The following BSN variants were observed in gnomAD, a reference collection of about 807,000 sequenced individuals.
BSN encodes the protein bassoon presynaptic cytomatrix protein.
BSN carries 57 observed loss-of-function variants against 264.8 expected under a neutral mutation model. The observed-to-expected ratio is 0.22, with a 90% CI of 0.17 to 0.27. The LOEUF (loss-of-function observed/expected upper bound fraction) is 0.27. Ranked by LOEUF, BSN falls within the 10% of genes least tolerant of loss-of-function variation. The pLI, the probability that BSN is intolerant of heterozygous loss-of-function variation, is 1.00. For missense variants in BSN, 4,615 were observed against 5,232.5 expected (o/e 0.88, Z 3.64); for synonymous variants, 2,059 against 2,137.3 (o/e 0.96, Z 1.01).
chr3:49,642,799 A>G lies in BSN; in HGVS notation c.1165A>G (p.Asn389Asp). The G allele has an allele frequency of 6.2e-7, 1 of 1,613,268 alleles. No homozygotes were observed. Among genetic ancestry groups the G allele is most frequent in the Admixed American group, 1.7e-5 (1 of 60,014 alleles). ...PSKGTPKIVFNDASKEAGPKP... is the reference protein window; with the variant it reads ...PSKGTPKIVFDDASKEAGPKP... ...CAAGGGGACACCTAAGATCGTCTTC[A>G]ATGATGCCAGCAAGGAGGCTGGCCC... The change falls in exon 3 of 12, where the codon AAT (asparagine) becomes GAT (aspartate). Residue 389 changes from asparagine to aspartate, a missense_variant. By Grantham distance (23) the Asn-to-Asp change is conservative. Around this residue, in one of 3 missense-constraint regions of BSN, gnomAD observed 1,197 missense variants for 1,348.0 expected, o/e 0.89. Coordinates refer to ENST00000296452, the MANE Select transcript of BSN (RefSeq NM_003458.4). The surrounding 1 kb of genome is among the most constrained non-coding windows in gnomAD (Gnocchi z 7.0).
At chr3:49,605,284 CAT>C (rs2052103924) in intron 1 of BSN, among the ~76,000 whole-genome samples, 1 of 95,026 alleles carries the variant, frequency 1.1e-5, no homozygotes, top group African/African-American at 4.2e-5. Context: ...CATATATATA[CAT>C]ATATATTTTA....
chr3:49,637,119 G>A (rs2108067527), intron 2 of BSN, among the ~76,000 whole-genome samples: 1 of 152,384 alleles, frequency 6.6e-6, no homozygotes, highest in Non-Finnish European at 1.5e-5. Flanking sequence ...CATAAATGCG[G>A]CATCAGGCGT....
intron 1 of BSN, among the ~76,000 whole-genome samples, chr3:49,557,461 C>G (rs2051681856): frequency 6.6e-6 from 1 of 152,048 alleles, no homozygotes; most frequent in South Asian, 2.1e-4. Flanking sequence ...CAGATCAAGA[C>G]AGAACTTTAT....
intron 1 of BSN, among the ~76,000 whole-genome samples, chr3:49,568,840 A>C (rs1167671430): frequency 1.3e-5 from 2 of 152,202 alleles, no homozygotes. Context: ...GCAAAATGGT[A>C]AATGTATAAG....
chr3:49,660,837 G>C lies in BSN; in HGVS notation c.8992G>C (p.Asp2998His). 1 of 1,612,916 alleles carries C rather than the reference G, an allele frequency of 6.2e-7. No individual in the cohort carries two copies. Among genetic ancestry groups the C allele is most frequent in the Non-Finnish European group, 8.5e-7 (1 of 1,180,028 alleles). ...TTTGGCCAAAGACCGGGGTGGCCGT[G>C]ACTACCCACCCTTGCGTGGTCTTGG... ...ESLAKDRGGR[D>H]YPPLRGLGEH... The change falls in exon 6 of 12, where the codon GAC becomes CAC. Residue 2998 changes from aspartate (D) to histidine (H), a missense_variant. This residue lies in a region of BSN where 3,415 missense variants were observed against 3,866.4 expected (regional missense o/e 0.88). Coordinates refer to ENST00000296452, the MANE Select transcript of BSN (RefSeq NM_003458.4). This position sits in a 1 kb window ranked among gnomAD's most constrained non-coding sequence, Gnocchi z 7.1.
intron 2 of BSN, among the ~76,000 whole-genome samples, chr3:49,639,118 G>T (rs1395885284): frequency 6.6e-6 from 1 of 152,034 alleles, no homozygotes; most frequent in African/African-American, 2.4e-5. Flanking sequence ...TTTAGACTGG[G>T]TTCAGGGACT....
chr3:49,568,300 G>A (rs2051769580), intron 1 of BSN, among the ~76,000 whole-genome samples: 1 of 152,154 alleles, frequency 6.6e-6, no homozygotes, highest in Admixed American at 6.5e-5. Flanking sequence ...TCGATGGAAA[G>A]TAAAGAATTG....
At chr3:49,632,254 A>G (rs2052388427) in intron 2 of BSN, among the ~76,000 whole-genome samples, 1 of 152,222 alleles carries the variant, frequency 6.6e-6, no homozygotes, top group African/African-American at 2.4e-5. Flanking sequence ...AAGCTTCACA[A>G]CATTGGATTT....
At chr3:49,579,376 G>A in intron 1 of BSN, among the ~76,000 whole-genome samples, 1 of 151,744 alleles carries the variant, frequency 6.6e-6, no homozygotes, top group East Asian at 1.9e-4. Context: ...TATGATTTTA[G>A]GTATGGGTTT....
rs1414788945 is a variant in BSN at position 49,585,067 on chromosome 3, T to C, written c.224+30241T>C. The stretch of plus-strand genomic sequence containing the variant: ...GTTAGACACCTAGGTTGCTTCGAAA[T>C]CTTAGCTATTATAAACAGTGCTGCG... On this transcript the variant is annotated intron_variant, in intron 1 of 11. Coordinates refer to ENST00000296452, the MANE Select transcript of BSN (RefSeq NM_003458.4). The surrounding 1 kb of genome is among the most constrained non-coding windows in gnomAD (Gnocchi z 4.7). Among the ~76,000 whole-genome samples, 2 of 152,210 alleles carry C rather than the reference T, an allele frequency of 1.3e-5. No homozygotes were observed. Among genetic ancestry groups the C allele is most frequent in the African/African-American group, 2.4e-5 (1 of 41,446 alleles).
chr3:49,663,120 A>G lies in BSN; in HGVS notation c.10962A>G (p.Ser3654=), dbSNP rs770213798. The change falls in exon 7 of 12, where the codon TCA becomes TCG. Residue 3654 remains serine, a synonymous_variant. Coordinates refer to ENST00000296452, the MANE Select transcript of BSN (RefSeq NM_003458.4). ...GGCACGGTGACCACGGGCGGCACTC[A>G]GGCCGCCACACTGGTGAGGAGCCGG... ...EHRHGDHGRH[S]GRHTGEEPGR... 6.2e-7 allele frequency: 1 copy of G among 1,611,410 alleles called. No individual in the cohort carries two copies. Among genetic ancestry groups the G allele is most frequent in the Non-Finnish European group, 8.5e-7 (1 of 1,179,462 alleles).
chr3:49,639,638 C>T (rs1461388138), intron 2 of BSN, among the ~76,000 whole-genome samples: 1 of 152,172 alleles, frequency 6.6e-6, no homozygotes, highest in African/African-American at 2.4e-5. Flanking sequence ...CCAGGGTTTG[C>T]AGTGCTGACT....
intron 11 of BSN, among the ~76,000 whole-genome samples, chr3:49,666,764 CAG>C (rs2052716251): frequency 6.8e-6 from 1 of 146,866 alleles, no homozygotes; most frequent in Non-Finnish European, 1.5e-5. Flanking sequence ...GAGAGGTGGT[CAG>C]GGGTAAAGTC....
intron 1 of BSN, among the ~76,000 whole-genome samples, chr3:49,584,412 T>TC (rs766987184): frequency 7.9e-5 from 12 of 152,114 alleles, no homozygotes; most frequent in Non-Finnish European, 1.5e-4. Flanking sequence ...AGTTTGCTCT[T>TC]CTTTTTCTAA....
chr3:49,565,957 G>T (rs1484302369), intron 1 of BSN, among the ~76,000 whole-genome samples: 1 of 152,054 alleles, frequency 6.6e-6, no homozygotes, highest in Admixed American at 6.6e-5. Flanking sequence ...CGAGTAGCTG[G>T]GACTACAGGT....
rs1458294599 is a variant in BSN, at chr3:49,653,532, C to A, written c.3976C>A (p.Pro1326Thr). The part of the protein sequence containing the change: ...QLAAPVSFST[P>T]TSSDSSGGRV... Reference sequence around the variant, plus strand: ...CGCTGCCCCTGTGTCCTTCTCTACCCCCACCTCCTCAGACAGCAGCGGGGG... The same window carrying A: ...CGCTGCCCCTGTGTCCTTCTCTACCACCACCTCCTCAGACAGCAGCGGGGG... Residue 1326 changes from proline (P) to threonine (T), a missense_variant, in exon 5 of 12, where the codon CCC (proline) becomes ACC (threonine). Physicochemically the swap from Pro to Thr is conservative, Grantham distance 38. Around this residue, in one of 3 missense-constraint regions of BSN, gnomAD observed 3,415 missense variants for 3,866.4 expected, o/e 0.88. Transcript: ENST00000296452. The surrounding 1 kb of genome is among the most constrained non-coding windows in gnomAD (Gnocchi z 6.3). 1 of 1,613,866 alleles carries A rather than the reference C, an allele frequency of 6.2e-7. No homozygotes were observed. The highest frequency in any genetic ancestry group is 8.5e-7 in the Non-Finnish European group (1 of 1,179,988).
chr3:49,608,368 C>T (rs1424301467), intron 1 of BSN, among the ~76,000 whole-genome samples: 1 of 152,184 alleles, frequency 6.6e-6, no homozygotes, highest in African/African-American at 2.4e-5. Context: ...ACGGTAATGT[C>T]AAAGGCTGGA....
In BSN at chr3:49,625,314, C is replaced by A; in HGVS notation, c.564C>A (p.Asn188Lys). 1 of 1,590,718 alleles carries A rather than the reference C, an allele frequency of 6.3e-7. No individual in the cohort carries two copies. The highest frequency in any genetic ancestry group is 1.2e-5 in the South Asian group (1 of 86,942). Residue 188 changes from asparagine to lysine, a missense_variant, in exon 2 of 12, where the codon AAC (asparagine) becomes AAA (lysine). Asn to Lys is a moderately conservative substitution (Grantham distance 94). This residue lies in a region of BSN where 1,197 missense variants were observed against 1,348.0 expected (regional missense o/e 0.89). Coordinates refer to ENST00000296452, the MANE Select transcript of BSN (RefSeq NM_003458.4). The surrounding 1 kb of genome is among the most constrained non-coding windows in gnomAD (Gnocchi z 4.4). ...CGACCCCCAGCCAGCCAAACTTCAA[C>A]ACCTGCACCCAGTGTCACAACAAGG... is the stretch of plus-strand genomic sequence containing the variant. ...LTSTPSQPNFNTCTQCHNKVC... is the reference protein window; with the variant it reads ...LTSTPSQPNFKTCTQCHNKVC...
intron 1 of BSN, among the ~76,000 whole-genome samples, chr3:49,613,466 C>T (rs1185172730): frequency 2.0e-5 from 3 of 151,468 alleles, no homozygotes; most frequent in Non-Finnish European, 4.4e-5. Context: ...ATCCAGCCAA[C>T]CTGTTGTTCA....
Sources: gnomAD v4.1 joint callset for allele counts (sites outside exome capture counted in the v4.1 genomes callset) on GRCh38, gnomAD v4.1.1 for gene constraint, gnomAD v4.1.1 regional missense constraint, Gnocchi (gnomAD v3.1) non-coding constraint, MANE v1.5 for transcripts, NCBI Gene and HGNC (gene_info 2026-07-23, HGNC 2026-07-21) for gene names.